The following WDR81 variants were observed in gnomAD, a reference collection of about 807,000 sequenced individuals.
The protein encoded by WDR81 is WD repeat domain 81.
A neutral mutation model predicts 140.8 loss-of-function variants in WDR81; 92 were observed. The observed-to-expected ratio is 0.65, with a 90% CI of 0.55 to 0.78. The LOEUF is 0.78. Among genes scored for constraint, WDR81 ranks in the 30% least tolerant of loss-of-function variants. The pLI is 0.00. For synonymous variants in WDR81, 1,183 were observed against 1,156.4 expected, an observed-to-expected ratio of 1.02 and a Z score of -0.47; for missense variants, 2,502 against 2,636.4, an observed-to-expected ratio of 0.95 and a Z score of 1.12.
chr17:1,731,074 C>T lies in WDR81; in HGVS notation c.3973C>T (p.Pro1325Ser). The change falls in exon 4 of 10, where the codon CCA becomes TCA. Residue 1325 changes from proline (P) to serine (S), a missense_variant. By Grantham distance (74) the Pro-to-Ser change is moderately conservative. Coordinates refer to ENST00000409644, the MANE Select transcript of WDR81 (RefSeq NM_001163809.2). ...ATCTGCTCGGTGGCTCTAGGTGGCC[C>T]CAGGGAGTGCCTCAGGCCCCAGCCG... is the stretch of plus-strand genomic sequence containing the variant. ...YLPYISYLVAPGSASGPSRLN... is the reference protein window; with the variant it reads ...YLPYISYLVASGSASGPSRLN... 6.2e-7 allele frequency: 1 copy of T among 1,612,136 alleles called. No individual in the cohort carries two copies. The highest frequency in any genetic ancestry group is 8.5e-7 in the Non-Finnish European group (1 of 1,179,590).
Position 1,735,103 on chromosome 17 carries a change from T to A in WDR81, c.5180-469T>A, listed in dbSNP as rs1904741756. 6.6e-6 allele frequency among the ~76,000 whole-genome samples: 1 copy of A among 151,880 alleles called. No homozygotes were observed. The highest frequency in any genetic ancestry group is 2.4e-5 in the African/African-American group (1 of 41,324). On this transcript the variant is annotated intron_variant, in intron 7 of 9. Coordinates refer to ENST00000409644, the MANE Select transcript of WDR81 (RefSeq NM_001163809.2). The surrounding 1 kb of genome is among the most constrained non-coding windows in gnomAD (Gnocchi z 4.2). Reference sequence around the variant, plus strand: ...GGAGGCCAGGAGTTGGAGACCAGACTGGCTGACATGGTGAAACCCCATCTC... The same window carrying A: ...GGAGGCCAGGAGTTGGAGACCAGACAGGCTGACATGGTGAAACCCCATCTC...
chr17:1,734,197 C>G lies in WDR81; in HGVS notation c.5160C>G (p.His1720Gln), dbSNP rs1220618805. Reference sequence around the variant, plus strand: ...TGGTGAGCTGTGACGGGGCTGTGCACGTCTGGGACCCCTTCACAGGTGAGC... The same window carrying G: ...TGGTGAGCTGTGACGGGGCTGTGCAGGTCTGGGACCCCTTCACAGGTGAGC... Reference protein sequence around the residue: ...QHVVSCDGAVHVWDPFTGKTL... With the variant: ...QHVVSCDGAVQVWDPFTGKTL... Residue 1720 changes from histidine to glutamine, a missense_variant, in exon 7 of 10, where the codon CAC becomes CAG. Coordinates refer to ENST00000409644, the MANE Select transcript of WDR81 (RefSeq NM_001163809.2). 1 of 1,589,310 alleles carries G rather than the reference C, an allele frequency of 6.3e-7. No individual in the cohort carries two copies. Among genetic ancestry groups the G allele is most frequent in the African/African-American group, 1.3e-5 (1 of 74,918 alleles).
upstream of WDR81, among the ~76,000 whole-genome samples, chr17:1,721,360 GA>G (rs5818829): frequency 3.0e-3 from 454 of 150,048 alleles, 3 homozygotes; most frequent in African/African-American, 0.01. Context: ...ACTTTGTCTC[GA>G]AAAAAAAAAT....
rs1430388045 is a variant in WDR81, at chr17:1,725,360, C to T, written c.401C>T (p.Thr134Ile). The change falls in exon 1 of 10, where the codon ACC (threonine) becomes ATC (isoleucine). Residue 134 changes from threonine to isoleucine, a missense_variant. Physicochemically the swap from Thr to Ile is moderately conservative, Grantham distance 89. Around this residue, in one of 3 missense-constraint regions of WDR81, gnomAD observed 547 missense variants for 513.8 expected, o/e 1.06. Transcript: ENST00000409644. ...GAGGACGGGTCCTGCGGCCCTGAGACCCTCACTCGCTTCATGCAGGAGGTT... is the reference window on the plus strand; with the variant it reads ...GAGGACGGGTCCTGCGGCCCTGAGATCCTCACTCGCTTCATGCAGGAGGTT... The part of the protein sequence containing the change: ...PFEDGSCGPE[T>I]LTRFMQEVAA... The T allele has an allele frequency of 1.3e-6, 2 of 1,549,308 alleles. No homozygotes were observed. Among genetic ancestry groups the T allele is most frequent in the African/African-American group, 1.4e-5 (1 of 73,072 alleles).
upstream of WDR81, among the ~76,000 whole-genome samples, chr17:1,724,190 C>T (rs1915050532): frequency 6.6e-6 from 1 of 151,916 alleles, no homozygotes; most frequent in African/African-American, 2.4e-5. Flanking sequence ...AGGCGAAACC[C>T]CATCTCTACT....
Position 1,737,543 on chromosome 17 carries a change from C to T in WDR81, c.5684C>T (p.Ser1895Phe), listed in dbSNP as rs1397872482. The part of the protein sequence containing the change: ...GTVSNKIGVC[S>F]LLEPPSQATT... ...GTGTCCAACAAGATTGGCGTCTGCTCCCTGCTTGAGCCACCCTCGCAGGCC... is the reference window on the plus strand; with the variant it reads ...GTGTCCAACAAGATTGGCGTCTGCTTCCTGCTTGAGCCACCCTCGCAGGCC... Residue 1895 changes from serine (S) to phenylalanine (F), a missense_variant, in exon 10 of 10, where the codon TCC (serine) becomes TTC (phenylalanine). By Grantham distance (155) the Ser-to-Phe change is radical (BLOSUM62 -2). Transcript: ENST00000409644. 1 of 1,613,028 alleles carries T rather than the reference C, an allele frequency of 6.2e-7. No homozygotes were observed. Among genetic ancestry groups the T allele is most frequent in the East Asian group, 2.2e-5 (1 of 44,890 alleles).
In WDR81 at chr17:1,731,123, G is replaced by A. The variant is rs1196348293; in HGVS notation, c.4022G>A (p.Gly1341Glu). 6.2e-7 allele frequency: 1 copy of A among 1,613,294 alleles called. No individual in the cohort carries two copies. The highest frequency in any genetic ancestry group is 1.3e-5 in the African/African-American group (1 of 75,056). The change falls in exon 4 of 10, where the codon GGG (glycine) becomes GAG (glutamate). Residue 1341 changes from glycine to glutamate, a missense_variant. Gly to Glu is a moderately conservative substitution (Grantham distance 98). Around this residue, in one of 3 missense-constraint regions of WDR81, gnomAD observed 1,737 missense variants for 1,843.0 expected, o/e 0.94. Coordinates refer to ENST00000409644, the MANE Select transcript of WDR81 (RefSeq NM_001163809.2). ...PSRLNSRKEA[G>E]LLAAVTLTQK... ...CGACTGAACAGCCGTAAGGAGGCGG[G>A]GCTGCTGGCCGCGGTGACGCTGACT...
rs772136173 is a variant in WDR81, at chr17:1,732,344, G to A, written c.4177G>A (p.Ala1393Thr). 1.1e-5 allele frequency: 18 copies of A among 1,613,306 alleles called. No individual in the cohort carries two copies. The South Asian group carries it at 1.6e-4, about 15-fold the overall frequency. ...LVTGFPSGAQ[A>T]RTILCVKTIS... ...TTCCAGGTTCCCAAGTGGGGCCCAGGCTCGGACCATCCTGTGTGTGAAAAC... is the reference window on the plus strand; with the variant it reads ...TTCCAGGTTCCCAAGTGGGGCCCAGACTCGGACCATCCTGTGTGTGAAAAC... The change falls in exon 5 of 10, where the codon GCT becomes ACT. Residue 1393 changes from alanine to threonine, a missense_variant. Ala to Thr is a moderately conservative substitution (Grantham distance 58, BLOSUM62 0). Around this residue, in one of 3 missense-constraint regions of WDR81, gnomAD observed 1,737 missense variants for 1,843.0 expected, o/e 0.94. Transcript: ENST00000409644.
At chr17:1,723,633 C>A (rs1302802468), upstream of WDR81, among the ~76,000 whole-genome samples, 2 of 151,800 alleles carry the variant, frequency 1.3e-5, no homozygotes, top group Non-Finnish European at 2.9e-5. Context: ...CTACAGGCGC[C>A]CCCCACCACG....
Position 1,726,013 on chromosome 17 carries a change from T to C in WDR81, c.1054T>C (p.Trp352Arg). 6.5e-7 allele frequency: 1 copy of C among 1,546,652 alleles called. No homozygotes were observed. The highest frequency in any genetic ancestry group is 8.7e-7 in the Non-Finnish European group (1 of 1,144,334). ...GGAACTTCGGAGCCTCGTGCTAGATTGGGTCCACGGCCGCATCAGCAACTT... is the reference window on the plus strand; with the variant it reads ...GGAACTTCGGAGCCTCGTGCTAGATCGGGTCCACGGCCGCATCAGCAACTT... ...QEELRSLVLD[W>R]VHGRISNFHY... Residue 352 changes from tryptophan to arginine, a missense_variant, in exon 1 of 10, where the codon TGG becomes CGG. Physicochemically the swap from Trp to Arg is moderately radical, Grantham distance 101. Around this residue, in one of 3 missense-constraint regions of WDR81, gnomAD observed 547 missense variants for 513.8 expected, o/e 1.06. Coordinates refer to ENST00000409644, the MANE Select transcript of WDR81 (RefSeq NM_001163809.2).
chr17:1,731,265 C>G lies in WDR81; in HGVS notation c.4157+7C>G. 1 of 1,612,174 alleles carries G rather than the reference C, an allele frequency of 6.2e-7. No homozygotes were observed. The highest frequency in any genetic ancestry group is 2.2e-5 in the East Asian group (1 of 44,868). On this transcript the variant is annotated splice_region_variant and intron_variant, in intron 4 of 9. Transcript: ENST00000409644. ...TCACCTCCCTCGTCACGGGGTAGGC[C>G]TCTGCCCCAGCTGATGTAGGGGGAC...
chr17:1,722,118 T>C (rs560091081), upstream of WDR81, among the ~76,000 whole-genome samples: 4 of 151,958 alleles, frequency 2.6e-5, no homozygotes, highest in South Asian at 6.2e-4. Flanking sequence ...AGCGAAACTC[T>C]GTCTTAAAAA....
In WDR81 at chr17:1,727,991, T is replaced by A; in HGVS notation, c.3032T>A (p.Val1011Glu). 6.4e-7 allele frequency: 1 copy of A among 1,550,506 alleles called. No individual in the cohort carries two copies. The highest frequency in any genetic ancestry group is 8.7e-7 in the Non-Finnish European group (1 of 1,147,110). Residue 1011 changes from valine to glutamate, a missense_variant, in exon 1 of 10, where the codon GTG becomes GAG. Coordinates refer to ENST00000409644, the MANE Select transcript of WDR81 (RefSeq NM_001163809.2). ...LTHLLPHVLQVLAGAEASQEE... is the reference protein window; with the variant it reads ...LTHLLPHVLQELAGAEASQEE... Reference sequence around the variant, plus strand: ...CACCTGCTGCCCCATGTCCTGCAGGTGCTGGCGGGCGCAGAGGCCTCCCAG... The same window carrying A: ...CACCTGCTGCCCCATGTCCTGCAGGAGCTGGCGGGCGCAGAGGCCTCCCAG...
upstream of WDR81, among the ~76,000 whole-genome samples, chr17:1,723,457 T>TTATTTATTTTTA (rs60606428): frequency 1.1e-4 from 15 of 130,544 alleles, no homozygotes; most frequent in Admixed American, 6.9e-4. Context: ...ATTTATTTAT[T>TTATTTATTTTTA]TTTATTTATT....
chr17:1,719,108 C>A (rs1914733025), intron 1 of WDR81, among the ~76,000 whole-genome samples: 1 of 152,168 alleles, frequency 6.6e-6, no homozygotes, highest in Admixed American at 6.5e-5. Context: ...CAACTGAGAA[C>A]TACTGTGTTA....
At position 1,733,809 on chromosome 17, in the gene WDR81, G is replaced by C; in HGVS notation, c.4772G>C (p.Gly1591Ala). The C allele has an allele frequency of 1.2e-6, 2 of 1,612,232 alleles. No homozygotes were observed. Among genetic ancestry groups the C allele is most frequent in the South Asian group, 2.2e-5 (2 of 91,040 alleles). ...GGCCCCATCTCGGGGGTGGGTGGCG[G>C]GGGCCTGGGCAGCGGGAGCGACGAC... is the stretch of plus-strand genomic sequence containing the variant. Reference protein sequence around the residue: ...PLGPISGVGGGGLGSGSDDNA... With the variant: ...PLGPISGVGGAGLGSGSDDNA... Residue 1591 changes from glycine to alanine, a missense_variant, in exon 7 of 10, where the codon GGG (glycine) becomes GCG (alanine). By Grantham distance (60) the Gly-to-Ala change is moderately conservative (BLOSUM62 0). Transcript: ENST00000409644.
intron 1 of WDR81, among the ~76,000 whole-genome samples, chr17:1,718,983 C>G (rs1396914976): frequency 6.6e-6 from 1 of 152,170 alleles, no homozygotes; most frequent in South Asian, 2.1e-4. Context: ...CACGTGGTCC[C>G]TGGCCTCTGT....
rs759330994 is a variant in WDR81 at position 1,728,454 on chromosome 17, AGAG to A, written c.3506_3508del (p.Glu1169del). On this transcript the variant is annotated inframe_deletion, in exon 1 of 10. Transcript: ENST00000409644. ...AGGAGGAGGACAGCTGCGTGGTGCT[AGAG>A]GAGGAGGAGGGGGAGCAGGAGGAGG... 895 of 1,610,538 alleles carry A rather than the reference AGAG, an allele frequency of 5.6e-4. 1 individual carries two copies. The highest frequency in any genetic ancestry group is 8.2e-4 in the Admixed American group (49 of 59,740).
Position 1,727,852 on chromosome 17 carries a change from C to T in WDR81, c.2893C>T (p.Pro965Ser), listed in dbSNP as rs1915395726. Residue 965 changes from proline (P) to serine (S), a missense_variant, in exon 1 of 10, where the codon CCG (proline) becomes TCG (serine). Physicochemically the swap from Pro to Ser is moderately conservative, Grantham distance 74. Around this residue, in one of 3 missense-constraint regions of WDR81, gnomAD observed 1,737 missense variants for 1,843.0 expected, o/e 0.94. Transcript: ENST00000409644. The stretch of plus-strand genomic sequence containing the variant: ...AAATGCCAATAAGTACCTCCTGAAG[C>T]CGCTCATTGGTGCCTACGAGAGCCC... ...PKNANKYLLK[P>S]LIGAYESPCQ... 6.4e-7 allele frequency: 1 copy of T among 1,550,612 alleles called. No homozygotes were observed. The highest frequency in any genetic ancestry group is 8.7e-7 in the Non-Finnish European group (1 of 1,147,068).
Sources: allele counts gnomAD v4.1 joint callset (sites outside exome capture counted in the v4.1 genomes callset), GRCh38; gene constraint gnomAD v4.1.1; regional missense constraint gnomAD v4.1.1; non-coding constraint Gnocchi (gnomAD v3.1); transcripts MANE v1.5; gene names NCBI Gene and HGNC (gene_info 2026-07-23, HGNC 2026-07-21).